Variants in DAPP1 observed in about 807,000 individuals in gnomAD.
DAPP1 encodes the protein dual adapter for phosphotyrosine and 3-phosphotyrosine and 3-phosphoinositide.
DAPP1 carries 20 observed loss-of-function variants against 41.5 expected under a neutral mutation model. The ratio of observed to expected loss-of-function variants is 0.48; its 90% CI spans 0.34 to 0.70. The LOEUF (loss-of-function observed/expected upper bound fraction) is 0.70, where lower values mean the gene tolerates loss of function less well. DAPP1 is among the 30% of genes least tolerant of loss of function. The pLI is 0.01. For missense variants in DAPP1, 233 were observed against 333.4 expected (o/e 0.70, Z 2.35); for synonymous variants, 113 against 116.2 (o/e 0.97, Z 0.18).
rs1553942239 is a variant in DAPP1, at chr4:99,865,970, A to AATATAT, written c.687-64_687-63insATATAT. On this transcript the variant is annotated intron_variant, in intron 7 of 8. Transcript: ENST00000512369. ...TTATATATTATATTATATATATTATATATATATATATATATATAGCTAATG... is the reference window on the plus strand; with the variant it reads ...TTATATATTATATTATATATATTATAATATATTATATATATATATATATAGCTAATG... 311 of 78,078 alleles carry AATATAT rather than the reference A, an allele frequency of 4.0e-3. 2 individuals are homozygous for AATATAT. The highest frequency in any genetic ancestry group is 0.019 in the African/African-American group (273 of 14,102). 4.8% of individuals were successfully genotyped at this position (78,078 alleles called of 1,614,324 possible). A position where few individuals can be genotyped will look rare whatever the true frequency, so the allele number is the denominator to read the frequency against.
intron 3 of DAPP1, among the ~76,000 whole-genome samples, chr4:99,848,398 T>C (rs1268352953): frequency 6.6e-6 from 1 of 151,690 alleles, no homozygotes; most frequent in Non-Finnish European, 1.5e-5. Flanking sequence ...TGGCTAATTT[T>C]TGTATTTTTT....
At chr4:99,827,929 C>T (rs1249376540) in intron 1 of DAPP1, among the ~76,000 whole-genome samples, 5 of 152,218 alleles carry the variant, frequency 3.3e-5, no homozygotes, top group African/African-American at 4.8e-5. Context: ...CTATAAGTAT[C>T]ATCTATGTAA....
At chr4:99,860,582 G>A (rs1337279759) in intron 4 of DAPP1, among the ~76,000 whole-genome samples, 1 of 152,122 alleles carries the variant, frequency 6.6e-6, no homozygotes, top group African/African-American at 2.4e-5. Context: ...TAAAAGAAGT[G>A]TTTGCTTATT....
chr4:99,856,168 C>A (rs143178306), intron 4 of DAPP1, among the ~76,000 whole-genome samples: 2,257 of 152,104 alleles, frequency 0.015, 24 homozygotes, highest in Non-Finnish European at 0.02. Flanking sequence ...GTAATTTTGA[C>A]AAAGGTCCTC....
intron 1 of DAPP1, 124 bp downstream of exon 1, chr4:99,817,138 A>C: frequency 1.6e-6 from 1 of 615,068 alleles, no homozygotes; most frequent in South Asian, 2.5e-5. Context: ...TCAACCATTT[A>C]TTTTTTTCCA....
chr4:99,850,623 G>A (rs757594155), intron 3 of DAPP1, among the ~76,000 whole-genome samples: 1 of 152,138 alleles, frequency 6.6e-6, no homozygotes, highest in African/African-American at 2.4e-5. Context: ...CTAGGCTTCA[G>A]TTCCCCTCTC....
intron 1 of DAPP1, among the ~76,000 whole-genome samples, chr4:99,833,252 G>A (rs1371440521): frequency 6.6e-6 from 1 of 152,140 alleles, no homozygotes; most frequent in Non-Finnish European, 1.5e-5. Flanking sequence ...ACTTGTCTGG[G>A]AATCAGTTCA....
rs867666321 is a variant in DAPP1 at position 99,869,067 on chromosome 4, C to G, written c.*882C>G. On this transcript the variant is annotated 3_prime_UTR_variant, in exon 9 of 9. Coordinates refer to ENST00000512369, the MANE Select transcript of DAPP1 (RefSeq NM_014395.3). ...ATTTCTCCAAATGGACTGAAAGAAA[C>G]TTTTCAAGGACAGTGTATTATAACA... 1 of 152,146 alleles carries G rather than the reference C, an allele frequency of 6.6e-6. No homozygotes were observed. Among genetic ancestry groups the G allele is most frequent in the African/African-American group, 2.4e-5 (1 of 41,438 alleles). 9.4% of individuals were successfully genotyped at this position (152,146 alleles called of 1,614,324 possible).
intron 4 of DAPP1, among the ~76,000 whole-genome samples, chr4:99,854,580 C>T (rs1238489868): frequency 6.6e-6 from 1 of 152,144 alleles, no homozygotes; most frequent in Non-Finnish European, 1.5e-5. Context: ...TCATGGCCCA[C>T]CTGGACCCTG....
At chr4:99,838,231 A>G (rs773722548) in intron 2 of DAPP1, among the ~76,000 whole-genome samples, 1 of 152,204 alleles carries the variant, frequency 6.6e-6, no homozygotes, top group Non-Finnish European at 1.5e-5. Context: ...CATATTTCAT[A>G]TACATAAAAA....
At chr4:99,871,923 A>C (rs928810383), downstream of DAPP1, among the ~76,000 whole-genome samples, 8 of 152,184 alleles carry the variant, frequency 5.3e-5, no homozygotes, top group African/African-American at 1.9e-4. Context: ...CAAAGATGGC[A>C]CCCTTGGCCT....
intron 2 of DAPP1, among the ~76,000 whole-genome samples, chr4:99,837,302 G>A (rs563414057): frequency 1.4e-4 from 21 of 152,264 alleles, no homozygotes; most frequent in African/African-American, 5.1e-4. Flanking sequence ...TGTACTCCAG[G>A]GGCTGGGATT....
chr4:99,842,262 T>C (rs970374277), intron 3 of DAPP1, among the ~76,000 whole-genome samples: 2 of 152,388 alleles, frequency 1.3e-5, no homozygotes, highest in South Asian at 2.1e-4. Flanking sequence ...CAGTAGTTTC[T>C]CTAAAACTCA....
At chr4:99,837,713 G>C (rs573209594) in intron 2 of DAPP1, among the ~76,000 whole-genome samples, 1 of 152,174 alleles carries the variant, frequency 6.6e-6, no homozygotes, top group South Asian at 2.1e-4. Context: ...AGATGGTTTT[G>C]GGATGATTCA....
At chr4:99,835,324 C>T (rs977777815) in intron 1 of DAPP1, among the ~76,000 whole-genome samples, 1 of 152,084 alleles carries the variant, frequency 6.6e-6, no homozygotes, top group African/African-American at 2.4e-5. Flanking sequence ...CTCATTTTAA[C>T]TTGGTAAAGA....
chr4:99,847,956 G>T (rs1210660566), intron 3 of DAPP1, among the ~76,000 whole-genome samples: 1 of 151,594 alleles, frequency 6.6e-6, no homozygotes, highest in Non-Finnish European at 1.5e-5. Flanking sequence ...TGGGATTACA[G>T]GCATGCGCCA....
intron 1 of DAPP1, among the ~76,000 whole-genome samples, chr4:99,823,718 G>C (rs1384742562): frequency 1.3e-5 from 2 of 152,130 alleles, no homozygotes; most frequent in Non-Finnish European, 2.9e-5. Context: ...ATCATGTTTT[G>C]TTTTTAGGTA....
intron 1 of DAPP1, among the ~76,000 whole-genome samples, chr4:99,823,749 A>T (rs1722849251): frequency 6.6e-6 from 1 of 152,212 alleles, no homozygotes; most frequent in Non-Finnish European, 1.5e-5. Context: ...ATAGTTCAGC[A>T]TGATGGGTGG....
chr4:99,851,626 C>T lies in DAPP1; in HGVS notation c.359-1592C>T, dbSNP rs537975742. On this transcript the variant is annotated intron_variant, in intron 3 of 8. Transcript: ENST00000512369. ...TGCGATCTCGGCTCACCGCAACCCC[C>T]GCCTCCCGGGTTCAAGCAATTTCCC... Among the ~76,000 whole-genome samples, 200 of 150,994 alleles carry T rather than the reference C, an allele frequency of 1.3e-3. 1 individual carries two copies. Among genetic ancestry groups the T allele is most frequent in the Admixed American group, 2.2e-3 (34 of 15,184 alleles).
Sources: gnomAD v4.1 joint callset for allele counts (sites outside exome capture counted in the v4.1 genomes callset) on GRCh38, gnomAD v4.1.1 for gene constraint, MANE v1.5 for transcripts, NCBI Gene and HGNC (gene_info 2026-07-23, HGNC 2026-07-21) for gene names.